CERT1: variants seen among roughly 807,000 people sequenced by gnomAD.
The protein encoded by CERT1 is ceramide transfer protein.
Under a neutral mutation model 87.9 loss-of-function variants are expected in CERT1, and 31 were observed. The observed-to-expected ratio is 0.35, with a 90% CI of 0.27 to 0.48. The LOEUF (loss-of-function observed/expected upper bound fraction) is 0.48. Ranked by LOEUF, CERT1 falls within the 20% of genes least tolerant of loss-of-function variation. The pLI, the probability that CERT1 is intolerant of heterozygous loss-of-function variation, is 0.99. For synonymous variants in CERT1, 289 were observed against 250.9 expected (o/e 1.15, Z -1.44); for missense variants, 487 against 758.0 (o/e 0.64, Z 4.20).
At chr5:75,501,998 T>C (rs915912722) in intron 2 of CERT1, among the ~76,000 whole-genome samples, 69 of 152,068 alleles carry the variant, frequency 4.5e-4, no homozygotes, top group African/African-American at 1.7e-3. Context: ...AAGATTTCTC[T>C]AGGGCCTAAT....
chr5:75,446,307 A>G (rs1367053068), intron 3 of CERT1, among the ~76,000 whole-genome samples: 1 of 152,154 alleles, frequency 6.6e-6, no homozygotes. Flanking sequence ...TTTTCATTTC[A>G]GTTACTAGAG....
chr5:75,480,608 CTTT>C (rs980676642), intron 2 of CERT1, among the ~76,000 whole-genome samples: 30 of 152,326 alleles, frequency 2.0e-4, no homozygotes, highest in Admixed American at 1.6e-3. Context: ...GGTCTCCAGA[CTTT>C]TTTACTCAGT....
intron 3 of CERT1, among the ~76,000 whole-genome samples, chr5:75,453,712 T>C (rs1412116343): frequency 6.6e-6 from 1 of 152,188 alleles, no homozygotes; most frequent in Non-Finnish European, 1.5e-5. Flanking sequence ...GTTTATCATG[T>C]TAGGCATACA....
At chr5:75,407,632 C>A (rs1200545290) in intron 8 of CERT1, among the ~76,000 whole-genome samples, 2 of 151,990 alleles carry the variant, frequency 1.3e-5, no homozygotes, top group African/African-American at 4.8e-5. Flanking sequence ...AGAATGAAAT[C>A]ATATTCTTTG....
Position 75,508,000 on chromosome 5 carries a change from TATC to T in CERT1, c.97-1887_97-1885del, listed in dbSNP as rs1767733694. The stretch of plus-strand genomic sequence containing the variant: ...GGAGACTTAATAATTTTTTCTCTAG[TATC>T]TTCTGTTTTTTTCATAATTTACACA... On this transcript the variant is annotated intron_variant, in intron 1 of 16. Transcript: ENST00000643780. Among the ~76,000 whole-genome samples, 3 of 152,330 alleles carry T rather than the reference TATC, an allele frequency of 2.0e-5. No homozygotes were observed. The South Asian group carries it at 6.2e-4, about 32-fold the overall frequency.
At chr5:75,386,098 G>GCTTT in intron 12 of CERT1, 64 bp from the exon 13 acceptor site, 1 of 1,283,894 alleles carries the variant, frequency 7.8e-7, no homozygotes, top group Non-Finnish European at 1.0e-6. Flanking sequence ...AAGCAGGAAA[G>GCTTT]CATGCTTTTA....
chr5:75,443,763 A>G (rs1353846681), intron 3 of CERT1, among the ~76,000 whole-genome samples: 3 of 152,178 alleles, frequency 2.0e-5, no homozygotes, highest in African/African-American at 7.2e-5. Flanking sequence ...TTGAATTATT[A>G]TTGTAGAACT....
chr5:75,464,092 T>C (rs1178332295), intron 2 of CERT1, among the ~76,000 whole-genome samples: 1 of 152,146 alleles, frequency 6.6e-6, no homozygotes, highest in Admixed American at 6.5e-5. Context: ...AAAGAAACCA[T>C]AAACATCAGT....
intron 8 of CERT1, among the ~76,000 whole-genome samples, chr5:75,407,979 C>A (rs1225784754): frequency 6.7e-6 from 1 of 149,162 alleles, no homozygotes; most frequent in Non-Finnish European, 1.5e-5. Context: ...TGTATATGCA[C>A]ATTGCAATGT....
intron 2 of CERT1, among the ~76,000 whole-genome samples, chr5:75,460,118 T>A (rs1227074311): frequency 6.6e-6 from 1 of 152,136 alleles, no homozygotes; most frequent in African/African-American, 2.4e-5. Flanking sequence ...GCATATATAT[T>A]TTTTAAGGCC....
intron 14 of CERT1, among the ~76,000 whole-genome samples, chr5:75,382,709 G>A (rs753708885): frequency 3.2e-4 from 48 of 151,548 alleles, no homozygotes; most frequent in Non-Finnish European, 5.5e-4. Flanking sequence ...TGGTTATCTC[G>A]TATATGTATC....
At chr5:75,504,706 G>C (rs187699307) in intron 2 of CERT1, among the ~76,000 whole-genome samples, 66 of 150,132 alleles carry the variant, frequency 4.4e-4, no homozygotes, top group African/African-American at 1.6e-3. Context: ...AACTACAACA[G>C]CTCCCTTAAC....
intron 2 of CERT1, among the ~76,000 whole-genome samples, chr5:75,476,872 C>A (rs973400671): frequency 2.6e-5 from 4 of 152,080 alleles, no homozygotes; most frequent in African/African-American, 9.6e-5. Context: ...ACATCACATT[C>A]AAAAGTCAAG....
At chr5:75,502,210 C>A (rs1252882114) in intron 2 of CERT1, among the ~76,000 whole-genome samples, 1 of 152,044 alleles carries the variant, frequency 6.6e-6, no homozygotes, top group South Asian at 2.1e-4. Flanking sequence ...AGTTACTCAA[C>A]CTCATGGATA....
At position 75,400,260 on chromosome 5, in the gene CERT1, G is replaced by A. The variant is rs372158864; in HGVS notation, c.1055C>T (p.Ser352Phe). Reference protein sequence around the residue: ...SEKVRLHWPTSLPSGDAFSSV... With the variant: ...SEKVRLHWPTFLPSGDAFSSV... Reference sequence around the variant, plus strand: ...AGAAAAGGCATCTCCAGAGGGCAAGGATGTAGGCCAATGTAATCTCACCTT... The same window carrying A: ...AGAAAAGGCATCTCCAGAGGGCAAGAATGTAGGCCAATGTAATCTCACCTT... The change falls in exon 10 of 17, where the codon TCC (serine) becomes TTC (phenylalanine). Residue 352 changes from serine (S) to phenylalanine (F), a missense_variant. By Grantham distance (155) the Ser-to-Phe change is radical. Around this residue, in one of 8 missense-constraint regions of CERT1, gnomAD observed 91 missense variants for 86.7 expected, o/e 1.05. Transcript: ENST00000643780. The A allele has an allele frequency of 1.9e-6, 3 of 1,613,632 alleles. No individual in the cohort carries two copies. The highest frequency in any genetic ancestry group is 2.5e-6 in the Non-Finnish European group (3 of 1,179,668).
chr5:75,421,674 A>T (rs1763382243), intron 5 of CERT1, among the ~76,000 whole-genome samples: 1 of 152,224 alleles, frequency 6.6e-6, no homozygotes. Context: ...AAGTTATAAT[A>T]CGACTATTCC....
At chr5:75,457,128 G>A (rs1456837705) in intron 3 of CERT1, among the ~76,000 whole-genome samples, 2 of 152,152 alleles carry the variant, frequency 1.3e-5, no homozygotes, top group African/African-American at 2.4e-5. Context: ...GAAACAGGCT[G>A]TTCTCCTTAT....
At chr5:75,463,515 T>TA (rs1336352016) in intron 2 of CERT1, among the ~76,000 whole-genome samples, 6 of 152,116 alleles carry the variant, frequency 3.9e-5, no homozygotes, top group African/African-American at 1.4e-4. Context: ...CCATGGCACT[T>TA]ATACCTACTC....
chr5:75,486,903 C>G (rs1766550707), intron 2 of CERT1, among the ~76,000 whole-genome samples: 1 of 152,072 alleles, frequency 6.6e-6, no homozygotes, highest in African/African-American at 2.4e-5. Flanking sequence ...AATGTCCATA[C>G]TACCCAAAAC....
Sources: gnomAD v4.1 joint callset for allele counts (sites outside exome capture counted in the v4.1 genomes callset) on GRCh38, gnomAD v4.1.1 for gene constraint, gnomAD v4.1.1 regional missense constraint, MANE v1.5 for transcripts, NCBI Gene and HGNC (gene_info 2026-07-23, HGNC 2026-07-21) for gene names.